EIF4G3: variants seen among roughly 807,000 people sequenced by gnomAD.
The protein encoded by EIF4G3 is eIF-4-gamma 3.
In EIF4G3, 34 loss-of-function variants were observed where a neutral mutation model predicts 186.4. The ratio of observed to expected loss-of-function variants is 0.18; its 90% CI spans 0.14 to 0.24. The LOEUF (loss-of-function observed/expected upper bound fraction) is 0.24, where lower values mean the gene tolerates loss of function less well. EIF4G3 is among the 10% of genes least tolerant of loss of function. EIF4G3 has a pLI of 1.00. For synonymous variants in EIF4G3, 673 were observed against 679.5 expected (o/e 0.99, Z 0.15); for missense variants, 1,536 against 1,948.5 (o/e 0.79, Z 3.99).
intron 7 of EIF4G3, among the ~76,000 whole-genome samples, chr1:20,994,804 T>C (rs2081939496): frequency 6.6e-6 from 1 of 151,898 alleles, no homozygotes; most frequent in Non-Finnish European, 1.5e-5. Flanking sequence ...AATTTTTGTA[T>C]TTTTATTTTT....
At chr1:21,060,340 C>T (rs2094825547) in intron 3 of EIF4G3, among the ~76,000 whole-genome samples, 1 of 152,064 alleles carries the variant, frequency 6.6e-6, no homozygotes, top group Non-Finnish European at 1.5e-5. Context: ...ATAAGGGGTG[C>T]CAGTGAATAT....
chr1:20,827,834 T>C, intron 31 of EIF4G3, 136 bp from the exon 32 acceptor site: 2 of 491,234 alleles, frequency 4.1e-6, no homozygotes, highest in African/African-American at 1.9e-5. Flanking sequence ...CTCCAGGACA[T>C]GCTCTAAGTC....
intron 2 of EIF4G3, among the ~76,000 whole-genome samples, chr1:21,163,718 A>C (rs2097802173): frequency 6.6e-6 from 1 of 152,212 alleles, no homozygotes; most frequent in Non-Finnish European, 1.5e-5. Context: ...AATAGCAAAA[A>C]GAATCCTGCT....
intron 14 of EIF4G3, among the ~76,000 whole-genome samples, chr1:20,924,410 A>G (rs1269594152): frequency 6.6e-6 from 1 of 152,230 alleles, no homozygotes; most frequent in Non-Finnish European, 1.5e-5. Flanking sequence ...CTCCGCATTT[A>G]TATTACTGAA....
Position 21,054,009 on chromosome 1 carries a change from C to T in EIF4G3, c.-195-3015G>A, listed in dbSNP as rs939877648. Among the ~76,000 whole-genome samples, 847 of 151,958 alleles carry T rather than the reference C, an allele frequency of 5.6e-3. 3 individuals carry two copies. The highest frequency in any genetic ancestry group is 0.01 in the Non-Finnish European group (683 of 67,952). Reference sequence around the variant, plus strand: ...TGAGAACGGGCCACGATGACAATGGCGGTTTTGTGGAATAGAAAGGGGGGA... The same window carrying T: ...TGAGAACGGGCCACGATGACAATGGTGGTTTTGTGGAATAGAAAGGGGGGA... On this transcript the variant is annotated intron_variant, in intron 3 of 36. Coordinates refer to ENST00000602326, the MANE Select transcript of EIF4G3 (RefSeq NM_001391906.1).
chr1:20,969,554 C>G lies in EIF4G3; in HGVS notation c.634G>C (p.Glu212Gln). The change falls in exon 12 of 37, where the codon GAG (glutamate) becomes CAG (glutamine). Residue 212 changes from glutamate (E) to glutamine (Q), a missense_variant. By Grantham distance (29) the Glu-to-Gln change is conservative. Coordinates refer to ENST00000602326, the MANE Select transcript of EIF4G3 (RefSeq NM_001391906.1). ...DPNQGGKDIT[E>Q]EIMSGGGSRN... The stretch of plus-strand genomic sequence containing the variant: ...CTGCCACCTCCAGACATAATCTCCT[C>G]TGTTATGTCTTTACCTCCCTGGTTT... The G allele has an allele frequency of 6.2e-7, 1 of 1,613,292 alleles. No homozygotes were observed. Among genetic ancestry groups the G allele is most frequent in the Non-Finnish European group, 8.5e-7 (1 of 1,179,306 alleles).
At chr1:21,122,898 A>G (rs899866634) in intron 2 of EIF4G3, among the ~76,000 whole-genome samples, 4 of 152,198 alleles carry the variant, frequency 2.6e-5, no homozygotes, top group Non-Finnish European at 4.4e-5. Flanking sequence ...AGGAATCATG[A>G]TGTCTACAGA....
intron 24 of EIF4G3, 60 bp downstream of exon 24, chr1:20,860,325 T>A: frequency 1.3e-6 from 2 of 1,597,858 alleles, no homozygotes; most frequent in Non-Finnish European, 1.7e-6. Context: ...AATACATAAT[T>A]CTTAATATGT....
chr1:21,113,650 T>A (rs117880556), intron 2 of EIF4G3, among the ~76,000 whole-genome samples: 19 of 152,174 alleles, frequency 1.2e-4, no homozygotes, highest in East Asian at 9.6e-4. Context: ...ACATCATTCA[T>A]TGGTCACCTG....
At chr1:20,818,504 T>G (rs934466787) in intron 33 of EIF4G3, among the ~76,000 whole-genome samples, 1 of 152,038 alleles carries the variant, frequency 6.6e-6, no homozygotes, top group South Asian at 2.1e-4. Context: ...TAGCCAGGTG[T>G]TGTGGCATGC....
chr1:21,129,329 C>T (rs568062255), intron 2 of EIF4G3, among the ~76,000 whole-genome samples: 2 of 145,276 alleles, frequency 1.4e-5, no homozygotes, highest in Admixed American at 6.9e-5. Flanking sequence ...AAAAAAAAAA[C>T]TGCTAAAAGT....
intron 29 of EIF4G3, among the ~76,000 whole-genome samples, chr1:20,846,992 T>C (rs1014919323): frequency 6.6e-6 from 1 of 152,208 alleles, no homozygotes; most frequent in African/African-American, 2.4e-5. Flanking sequence ...AAAAAATATT[T>C]TTAAGATCAG....
intron 10 of EIF4G3, 113 bp from the exon 11 acceptor site, chr1:20,973,212 ACTAAGCATT>A: frequency 8.4e-6 from 6 of 716,754 alleles, no homozygotes; most frequent in Non-Finnish European, 1.4e-5. Context: ...AAACAAAAAC[ACTAAGCATT>A]CTTCATCATC....
chr1:20,843,495 C>A (rs367920538), intron 29 of EIF4G3, among the ~76,000 whole-genome samples: 1 of 151,664 alleles, frequency 6.6e-6, no homozygotes, highest in Non-Finnish European at 1.5e-5. Context: ...CCAGCCTGGG[C>A]GACACGGTGA....
chr1:21,018,552 T>C (rs1389133605), intron 4 of EIF4G3, among the ~76,000 whole-genome samples: 2 of 149,572 alleles, frequency 1.3e-5, no homozygotes, highest in Non-Finnish European at 3.0e-5. Context: ...AGAGCTAGAC[T>C]CCTTCTCTTA....
At chr1:20,947,626 C>G (rs7539608) in intron 13 of EIF4G3, among the ~76,000 whole-genome samples, 141,175 of 152,148 alleles carry the variant, frequency 0.93, 65,946 homozygotes, top group East Asian at 1. Flanking sequence ...GGGAGTAAGG[C>G]AGAAACAGAG....
chr1:20,870,662 T>C (rs1013431052), intron 20 of EIF4G3, among the ~76,000 whole-genome samples: 1 of 152,224 alleles, frequency 6.6e-6, no homozygotes, highest in Admixed American at 6.5e-5. Flanking sequence ...AATAATCCAA[T>C]TTAAAATTGT....
chr1:20,905,460 A>G (rs575157627), intron 14 of EIF4G3, among the ~76,000 whole-genome samples: 4 of 152,372 alleles, frequency 2.6e-5, no homozygotes, highest in African/African-American at 9.6e-5. Context: ...TAGACAACAA[A>G]AGGATACTTC....
rs190374242 is a variant in EIF4G3 at position 20,830,295 on chromosome 1, G to A, written c.4062-1023C>T. ...TAAAAAGAGCTACCACCATAGGCAGGGTCACCATTCTGAAGCTGCCACTTC... is the reference window on the plus strand; with the variant it reads ...TAAAAAGAGCTACCACCATAGGCAGAGTCACCATTCTGAAGCTGCCACTTC... On this transcript the variant is annotated intron_variant, in intron 30 of 36. Coordinates refer to ENST00000602326, the MANE Select transcript of EIF4G3 (RefSeq NM_001391906.1). Among the ~76,000 whole-genome samples the A allele has an allele frequency of 3.8e-4, 58 of 152,234 alleles. 1 individual carries two copies. The East Asian group carries it at 0.01, about 26-fold the overall frequency.
Sources: gnomAD v4.1 joint callset for allele counts (sites outside exome capture counted in the v4.1 genomes callset) on GRCh38, gnomAD v4.1.1 for gene constraint, MANE v1.5 for transcripts, NCBI Gene and HGNC (gene_info 2026-07-23, HGNC 2026-07-21) for gene names.